The following NRXN1 variants were observed in gnomAD, a reference collection of about 807,000 sequenced individuals.
The protein encoded by NRXN1 is neurexin 1.
A neutral mutation model predicts 150.9 loss-of-function variants in NRXN1; 39 were observed. That is an observed-to-expected ratio of 0.26 (90% confidence interval 0.20 to 0.34). NRXN1 has a LOEUF of 0.34. NRXN1 is among the 10% of genes least tolerant of loss of function. The probability of loss-of-function intolerance (pLI) is 1.00; values close to 1 mark genes in which losing one functional copy is unlikely to be tolerated. For missense variants in NRXN1, 1,815 were observed against 1,949.9 expected (o/e 0.93, Z 1.30); for synonymous variants, 924 against 757.0 (o/e 1.22, Z -3.62).
intron 18 of NRXN1, among the ~76,000 whole-genome samples, chr2:50,125,580 A>T (rs1279210799): frequency 2.6e-5 from 4 of 152,092 alleles, no homozygotes; most frequent in African/African-American, 9.7e-5. Context: ...GAGAGCAAAG[A>T]TAAATCACGT....
intron 3 of NRXN1, 96 bp from the exon 4 acceptor site, chr2:50,922,783 T>C (rs1686250058): frequency 4.2e-6 from 5 of 1,176,816 alleles, no homozygotes; most frequent in Non-Finnish European, 6.2e-6. Flanking sequence ...CAGACATCTC[T>C]TTTCCTATGA....
At chr2:50,045,901 G>T (rs1487023582) in intron 21 of NRXN1, among the ~76,000 whole-genome samples, 1 of 152,132 alleles carries the variant, frequency 6.6e-6, no homozygotes, top group Non-Finnish European at 1.5e-5. Flanking sequence ...AGAATCATGA[G>T]CCCAATCTAG....
At position 50,252,523 on chromosome 2, in the gene NRXN1, T is replaced by TGCTGA. The variant is rs1188079077; in HGVS notation, c.3365-15558_3365-15554dup. ...ATCCACCCACCTCTGCCTCCCAAAG[T>TGCTGA]GCTGAGATTACAGGTGTGAGCCACT... is the stretch of plus-strand genomic sequence containing the variant. On this transcript the variant is annotated intron_variant, in intron 17 of 22. Transcript: ENST00000401669. Among the ~76,000 whole-genome samples, 7 of 152,208 alleles carry TGCTGA rather than the reference T, an allele frequency of 4.6e-5. No individual in the cohort carries two copies. In the East Asian group the frequency reaches 1.4e-3, roughly 29 times the overall value.
At chr2:50,611,259 T>G (rs2104088319) in intron 8 of NRXN1, among the ~76,000 whole-genome samples, 1 of 152,224 alleles carries the variant, frequency 6.6e-6, no homozygotes, top group African/African-American at 2.4e-5. Flanking sequence ...AAAATGTCAC[T>G]GAACCCCCTG....
At chr2:50,410,153 A>G (rs1339207202) in intron 17 of NRXN1, among the ~76,000 whole-genome samples, 3 of 152,162 alleles carry the variant, frequency 2.0e-5, no homozygotes, top group Non-Finnish European at 4.4e-5. Context: ...CTATTCTCCA[A>G]TATAACCAGC....
chr2:49,998,981 C>T (rs1172674456), intron 21 of NRXN1, among the ~76,000 whole-genome samples: 1 of 152,106 alleles, frequency 6.6e-6, no homozygotes, highest in South Asian at 2.1e-4. Context: ...GGCAAATTAC[C>T]TTGTACTAGC....
intron 5 of NRXN1, among the ~76,000 whole-genome samples, chr2:50,656,913 T>C (rs1180246871): frequency 1.3e-5 from 2 of 151,888 alleles, no homozygotes; most frequent in East Asian, 3.9e-4. Flanking sequence ...GAAAATAAAA[T>C]TAAATGGAAG....
chr2:50,596,669 T>C (rs1404750421), intron 8 of NRXN1, among the ~76,000 whole-genome samples: 2 of 152,096 alleles, frequency 1.3e-5, no homozygotes, highest in Non-Finnish European at 2.9e-5. Context: ...AAGCTTTGTA[T>C]ATAGCAGAAC....
At chr2:50,487,520 T>A (rs987867153) in intron 15 of NRXN1, among the ~76,000 whole-genome samples, 2 of 152,314 alleles carry the variant, frequency 1.3e-5, no homozygotes, top group Non-Finnish European at 2.9e-5. Flanking sequence ...TCATTAAAAA[T>A]GCACTTTCCT....
At chr2:50,773,088 C>A (rs1366372577) in intron 5 of NRXN1, among the ~76,000 whole-genome samples, 1 of 152,090 alleles carries the variant, frequency 6.6e-6, no homozygotes, top group African/African-American at 2.4e-5. Flanking sequence ...ACTACTTTAC[C>A]TACCTAATTT....
chr2:50,063,128 T>A (rs1490304376), intron 19 of NRXN1, among the ~76,000 whole-genome samples: 1 of 152,204 alleles, frequency 6.6e-6, no homozygotes, highest in African/African-American at 2.4e-5. Context: ...ACTCTGATTT[T>A]AAGTGCAGCA....
chr2:50,657,454 C>T (rs917569899), intron 5 of NRXN1, among the ~76,000 whole-genome samples: 1 of 151,978 alleles, frequency 6.6e-6, no homozygotes, highest in Non-Finnish European at 1.5e-5. Context: ...TCGTCCATCT[C>T]CTACAGTAGA....
chr2:51,028,247 C>G lies in NRXN1; in HGVS notation c.27G>C (p.Gly9=). 1 of 1,463,830 alleles carries G rather than the reference C, an allele frequency of 6.8e-7. No individual in the cohort carries two copies. The highest frequency in any genetic ancestry group is 1.4e-5 in the South Asian group (1 of 69,616). 90.7% of individuals were successfully genotyped at this position (1,463,830 alleles called of 1,614,324 possible). A position where few individuals can be genotyped will look rare whatever the true frequency, so the allele number is the denominator to read the frequency against. ...GCGAGAGGCACAGAAGAAAACAGCC[C>G]CCGCGCTGGAGCAGCGCCGTCCCCA... is the stretch of plus-strand genomic sequence containing the variant. MGTALLQR[G]GCFLLCLSLL... Residue 9 remains glycine (G), a synonymous_variant, in exon 2 of 23, where the codon GGG becomes GGC. Transcript: ENST00000401669.
At chr2:50,482,807 A>C (rs1280689790) in intron 15 of NRXN1, among the ~76,000 whole-genome samples, 1 of 152,094 alleles carries the variant, frequency 6.6e-6, no homozygotes, top group Non-Finnish European at 1.5e-5. Context: ...GCAATAAAGA[A>C]TCTGGCCAAC....
rs952169331 is a variant in NRXN1 at position 50,237,026 on chromosome 2, C to T, written c.3365-56G>A. 3.3e-6 allele frequency: 5 copies of T among 1,528,808 alleles called. No homozygotes were observed. The African/African-American group carries it at 4.1e-5, about 13-fold the overall frequency. 94.7% of individuals were successfully genotyped at this position (1,528,808 alleles called of 1,614,324 possible). A position where few individuals can be genotyped will look rare whatever the true frequency, so the allele number is the denominator to read the frequency against. ...CAAATACATCAAGTCTGCACATTAG[C>T]AAGGCATGTTATATTGATATATCAG... On this transcript the variant is annotated intron_variant, in intron 17 of 22. Transcript: ENST00000401669.
rs57580154 is a variant in NRXN1, at chr2:50,026,859, C to CTTTTTTTTTTTTTTTTTTTTTTTT, written c.4128+26388_4128+26411dup. ...TTGCATTGTTTAAGTCTTTTCTTTTCTTTTTTTTTTTTTTTTTTTTTTTTT... is the reference window on the plus strand; with the variant it reads ...TTGCATTGTTTAAGTCTTTTCTTTTCTTTTTTTTTTTTTTTTTTTTTTTTTTTTTTTTTTTTTTTTTTTTTTTTT... On this transcript the variant is annotated intron_variant, in intron 21 of 22. Transcript: ENST00000401669. Among the ~76,000 whole-genome samples, 10 of 65,240 alleles carry CTTTTTTTTTTTTTTTTTTTTTTTT rather than the reference C, an allele frequency of 1.5e-4. 1 individual carries two copies. The highest frequency in any genetic ancestry group is 2.1e-4 in the Non-Finnish European group (8 of 37,416). 42.8% of individuals were successfully genotyped at this position (65,240 alleles called of 152,430 possible). A position where few individuals can be genotyped will look rare whatever the true frequency, so the allele number is the denominator to read the frequency against.
chr2:50,554,304 G>C (rs2105352945), intron 8 of NRXN1: 1 of 152,294 alleles, frequency 6.6e-6, no homozygotes. Context: ...CAACGCAGCA[G>C]TTATTCCAAA....
chr2:50,747,184 A>G (rs1211540187), intron 5 of NRXN1, among the ~76,000 whole-genome samples: 1 of 152,144 alleles, frequency 6.6e-6, no homozygotes, highest in Non-Finnish European at 1.5e-5. Flanking sequence ...CACAAAAATC[A>G]GAAAGATGGC....
intron 18 of NRXN1, among the ~76,000 whole-genome samples, chr2:50,180,172 C>A (rs560116572): frequency 6.7e-6 from 1 of 149,514 alleles, no homozygotes; most frequent in Non-Finnish European, 1.5e-5. Context: ...CAGGGCGGTG[C>A]CCCCACATCT....
Sources: allele counts gnomAD v4.1 joint callset (sites outside exome capture counted in the v4.1 genomes callset), GRCh38; gene constraint gnomAD v4.1.1; transcripts MANE v1.5; gene names NCBI Gene and HGNC (gene_info 2026-07-23, HGNC 2026-07-21).